Variants in SLC9B1 observed in about 807,000 individuals in gnomAD.
SLC9B1 encodes solute carrier family 9 member B1.
A neutral mutation model predicts 51.7 loss-of-function variants in SLC9B1; 32 were observed. That is an observed-to-expected ratio of 0.62 (90% confidence interval 0.47 to 0.83). The LOEUF (loss-of-function observed/expected upper bound fraction) is 0.83, where lower values mean the gene tolerates loss of function less well. Ranked by LOEUF, SLC9B1 falls within the 40% of genes least tolerant of loss-of-function variation. The pLI, the probability that SLC9B1 is intolerant of heterozygous loss-of-function variation, is 0.00. For synonymous variants in SLC9B1, 145 were observed against 212.7 expected (o/e 0.68, Z 2.77); for missense variants, 406 against 613.2 (o/e 0.66, Z 3.57).
intron 3 of SLC9B1, among the ~76,000 whole-genome samples, chr4:102,985,874 CTT>C (rs901070716): frequency 4.6e-5 from 7 of 152,102 alleles, no homozygotes; most frequent in African/African-American, 1.7e-4. Context: ...AGAGCAAACA[CTT>C]TATAATAATA....
chr4:102,983,645 T>C (rs919273232), intron 3 of SLC9B1, among the ~76,000 whole-genome samples: 5 of 152,170 alleles, frequency 3.3e-5, no homozygotes, highest in Non-Finnish European at 5.9e-5. Flanking sequence ...CCTTTTTATC[T>C]AGGTTATTGA....
chr4:103,000,603 A>G (rs1358109427), intron 1 of SLC9B1, among the ~76,000 whole-genome samples: 1 of 152,222 alleles, frequency 6.6e-6, no homozygotes, highest in East Asian at 1.9e-4. Flanking sequence ...ACGTAAGTCT[A>G]AAATCCAGTG....
intron 11 of SLC9B1, chr4:102,885,542 G>T: frequency 1.2e-6 from 1 of 816,216 alleles, no homozygotes; most frequent in Non-Finnish European, 2.0e-6. Flanking sequence ...TGTAATATTT[G>T]GTATTGAAAG....
At chr4:102,982,099 C>CT (rs772354236) in intron 3 of SLC9B1, among the ~76,000 whole-genome samples, 481 of 143,166 alleles carry the variant, frequency 3.4e-3, no homozygotes, top group African/African-American at 9.4e-3. Context: ...GTATAGATTC[C>CT]TTTTTTTTTT....
At chr4:102,962,125 T>C in intron 3 of SLC9B1, 2 of 433,266 alleles carry the variant, frequency 4.6e-6, no homozygotes, top group South Asian at 3.6e-5. Context: ...ATCACCTCAG[T>C]AGATATTCTG....
At chr4:102,893,300 A>AAAAAAG (rs1560911594) in intron 11 of SLC9B1, among the ~76,000 whole-genome samples, 73 of 147,872 alleles carry the variant, frequency 4.9e-4, no homozygotes, top group Non-Finnish European at 8.8e-4. Flanking sequence ...AAAAAAAAAA[A>AAAAAAG]AAAAAGAAAA....
rs562191794 is a variant in SLC9B1 at position 102,977,367 on chromosome 4, T to C, written c.211+12433A>G. ...GGAGCAGAGTTTTCTAGTGAGAAGA[T>C]GAAGATACTTTTGACTACACTGGTG... is the stretch of plus-strand genomic sequence containing the variant. On this transcript the variant is annotated intron_variant, in intron 3 of 11. Coordinates refer to ENST00000296422, the MANE Select transcript of SLC9B1 (RefSeq NM_139173.4). Among the ~76,000 whole-genome samples the C allele has an allele frequency of 3.3e-4, 50 of 150,834 alleles. 2 individuals are homozygous for C. The South Asian group carries it at 0.01, about 32-fold the overall frequency.
chr4:102,970,820 A>C lies in SLC9B1; in HGVS notation c.211+18980T>G, dbSNP rs143762885. ...CTACCAAGAAAATGAAAAGCAAAAAATAGCAGGGGTTGCAATCCTAGTCTC... is the reference window on the plus strand; with the variant it reads ...CTACCAAGAAAATGAAAAGCAAAAACTAGCAGGGGTTGCAATCCTAGTCTC... On this transcript the variant is annotated intron_variant, in intron 3 of 11. Coordinates refer to ENST00000296422, the MANE Select transcript of SLC9B1 (RefSeq NM_139173.4). Among the ~76,000 whole-genome samples the C allele has an allele frequency of 3.8e-3, 575 of 152,330 alleles. 2 individuals carry two copies. Among genetic ancestry groups the C allele is most frequent in the Non-Finnish European group, 5.2e-3 (353 of 68,010 alleles).
rs1734434706 is a variant in SLC9B1, at chr4:102,894,382, C to T, written c.1333-9054G>A. On this transcript the variant is annotated intron_variant, in intron 11 of 11. Transcript: ENST00000394789. ...TAACAAGATTTTTAAATGAAATAAT[C>T]AGTATAAATATATAGAAAACTTTTT... Among the ~76,000 whole-genome samples the T allele has an allele frequency of 1.3e-5, 2 of 151,940 alleles. 1 individual carries two copies. The highest frequency in any genetic ancestry group is 4.1e-4 in the South Asian group (2 of 4,828).
At chr4:102,910,697 T>C in intron 8 of SLC9B1, 109 bp from the exon 9 acceptor site, 1 of 475,686 alleles carries the variant, frequency 2.1e-6, no homozygotes, top group Non-Finnish European at 3.2e-6. Flanking sequence ...CTTTAAATGT[T>C]ATATTAAATG....
intron 6 of SLC9B1, among the ~76,000 whole-genome samples, chr4:102,943,506 T>TATACAC (rs1553982064): frequency 6.9e-6 from 1 of 145,484 alleles, no homozygotes; most frequent in African/African-American, 2.6e-5. Context: ...TGTGTATGTA[T>TATACAC]ACACACACAC....
At chr4:102,962,449 A>G in intron 3 of SLC9B1, 1 of 517,746 alleles carries the variant, frequency 1.9e-6, no homozygotes, top group Non-Finnish European at 3.9e-6. Context: ...ACTAGAAAAT[A>G]CAGAGCATTT....
rs191034270 is a variant in SLC9B1 at position 102,976,938 on chromosome 4, C to G, written c.211+12862G>C. Among the ~76,000 whole-genome samples the G allele has an allele frequency of 9.7e-4, 147 of 152,142 alleles. 3 individuals carry two copies. In the East Asian group the frequency reaches 0.024, roughly 25 times the overall value. On this transcript the variant is annotated intron_variant, in intron 3 of 11. Transcript: ENST00000296422. ...CCAAGGCTGGAAGATGGCTTGAGCCCAGAAGTTGAAGACCAGCCTGGGAAA... is the reference window on the plus strand; with the variant it reads ...CCAAGGCTGGAAGATGGCTTGAGCCGAGAAGTTGAAGACCAGCCTGGGAAA...
At chr4:102,958,161 G>A (rs533270899) in intron 3 of SLC9B1, among the ~76,000 whole-genome samples, 14 of 152,196 alleles carry the variant, frequency 9.2e-5, no homozygotes, top group Non-Finnish European at 1.8e-4. Flanking sequence ...CTGCTGGGAG[G>A]TGAATGGATC....
intron 1 of SLC9B1, among the ~76,000 whole-genome samples, chr4:103,015,958 T>C (rs1454427857): frequency 6.6e-6 from 1 of 151,482 alleles, no homozygotes; most frequent in Non-Finnish European, 1.5e-5. Flanking sequence ...TAAAACCCTA[T>C]CTCTACCAAA....
intron 3 of SLC9B1, among the ~76,000 whole-genome samples, chr4:102,988,861 T>C (rs1739798759): frequency 6.6e-6 from 1 of 152,092 alleles, no homozygotes; most frequent in East Asian, 1.9e-4. Context: ...CAAACTGTAG[T>C]CCACACTCAG....
chr4:102,955,661 A>C lies in SLC9B1; in HGVS notation c.212-6234T>G, dbSNP rs530377189. Among the ~76,000 whole-genome samples the C allele has an allele frequency of 1.4e-4, 21 of 152,176 alleles. 1 individual carries two copies. The South Asian group carries it at 3.9e-3, about 29-fold the overall frequency. On this transcript the variant is annotated intron_variant, in intron 3 of 11. Transcript: ENST00000296422. ...GTTTCAATTGGGGAAGTGGAAGACAAGACAAAAATTTAAATGAGAGATCCT... is the reference window on the plus strand; with the variant it reads ...GTTTCAATTGGGGAAGTGGAAGACACGACAAAAATTTAAATGAGAGATCCT...
chr4:102,893,554 A>C (rs199754418), intron 11 of SLC9B1, among the ~76,000 whole-genome samples: 2,854 of 93,000 alleles, frequency 0.031, no homozygotes, highest in African/African-American at 0.03. Context: ...AAGTATCCCA[A>C]ATTTTTTTTA....
chr4:102,919,234 C>T (rs1735739112), intron 7 of SLC9B1, among the ~76,000 whole-genome samples: 1 of 152,218 alleles, frequency 6.6e-6, no homozygotes, highest in Non-Finnish European at 1.5e-5. Flanking sequence ...AATTTCTCCC[C>T]AGAAAATGGG....
Sources: allele counts gnomAD v4.1 joint callset (sites outside exome capture counted in the v4.1 genomes callset), GRCh38; gene constraint gnomAD v4.1.1; transcripts MANE v1.5; gene names NCBI Gene and HGNC (gene_info 2026-07-23, HGNC 2026-07-21).